The following SH3RF1 variants were observed in gnomAD, a reference collection of about 807,000 sequenced individuals.
The protein encoded by SH3RF1 is E3 ubiquitin-protein ligase SH3RF1.
Under a neutral mutation model 74.0 loss-of-function variants are expected in SH3RF1, and 32 were observed. That is an observed-to-expected ratio of 0.43 (90% CI 0.33 to 0.58). The LOEUF (loss-of-function observed/expected upper bound fraction) is 0.58. SH3RF1 is among the 20% of genes least tolerant of loss of function. The pLI is 0.05. For synonymous variants in SH3RF1, 396 were observed against 439.6 expected, an observed-to-expected ratio of 0.90 and a Z score of 1.24; for missense variants, 954 against 1,130.9, an observed-to-expected ratio of 0.84 and a Z score of 2.24.
intron 2 of SH3RF1, among the ~76,000 whole-genome samples, chr4:169,158,828 A>G (rs1734103243): frequency 6.6e-6 from 1 of 152,210 alleles, no homozygotes; most frequent in African/African-American, 2.4e-5. Flanking sequence ...TTTGGTTTCT[A>G]CTTAGAGACT....
chr4:169,236,607 T>C (rs1730827400), intron 2 of SH3RF1, among the ~76,000 whole-genome samples: 1 of 152,218 alleles, frequency 6.6e-6, no homozygotes, highest in African/African-American at 2.4e-5. Context: ...CTTCGTAGTG[T>C]TGCTATGAGA....
chr4:169,115,115 T>C (rs1733309510), intron 10 of SH3RF1, among the ~76,000 whole-genome samples: 1 of 152,198 alleles, frequency 6.6e-6, no homozygotes, highest in African/African-American at 2.4e-5. Context: ...CCAATATAAC[T>C]TTCCATTTAT....
At chr4:169,207,791 T>C (rs1177183361) in intron 2 of SH3RF1, among the ~76,000 whole-genome samples, 1 of 152,234 alleles carries the variant, frequency 6.6e-6, no homozygotes, top group Non-Finnish European at 1.5e-5. Flanking sequence ...TTGTCTACTA[T>C]GTCAAAAGCC....
intron 4 of SH3RF1, among the ~76,000 whole-genome samples, chr4:169,145,866 T>C (rs1733871837): frequency 8.8e-6 from 1 of 113,988 alleles, no homozygotes; most frequent in Admixed American, 8.9e-5. Flanking sequence ...ATATAAAATA[T>C]GTATTCTATA....
chr4:169,114,120 G>A (rs1290822591), intron 10 of SH3RF1, among the ~76,000 whole-genome samples: 1 of 152,144 alleles, frequency 6.6e-6, no homozygotes, highest in Non-Finnish European at 1.5e-5. Context: ...ACCTGTACTA[G>A]ATGGTGCCGT....
chr4:169,171,152 T>C (rs1441599341), intron 2 of SH3RF1, among the ~76,000 whole-genome samples: 1 of 152,218 alleles, frequency 6.6e-6, no homozygotes, highest in Non-Finnish European at 1.5e-5. Flanking sequence ...GGCAGCCAAT[T>C]GTTCAAACTG....
intron 2 of SH3RF1, among the ~76,000 whole-genome samples, chr4:169,191,724 C>T (rs533172385): frequency 6.6e-6 from 1 of 151,964 alleles, no homozygotes; most frequent in South Asian, 2.1e-4. Flanking sequence ...AATAGAGAAC[C>T]CAGAAATAAA....
intron 2 of SH3RF1, among the ~76,000 whole-genome samples, chr4:169,227,813 C>G (rs1730675425): frequency 1.3e-5 from 2 of 152,182 alleles, no homozygotes; most frequent in Admixed American, 1.3e-4. Context: ...ACGGGATAGA[C>G]AGTGGAATTT....
Position 169,122,041 on chromosome 4 carries a change from G to A in SH3RF1, c.1346+59C>T, listed in dbSNP as rs1257234461. On this transcript the variant is annotated intron_variant, in intron 7 of 11. Transcript: ENST00000284637. Reference sequence around the variant, plus strand: ...GTCAGAAAGGTGTTTCTTGACCTCTGAGGTTTGGACTTCGTTTAAATGAAC... The same window carrying A: ...GTCAGAAAGGTGTTTCTTGACCTCTAAGGTTTGGACTTCGTTTAAATGAAC... 3.4e-5 allele frequency: 54 copies of A among 1,591,372 alleles called. No individual in the cohort carries two copies. In the Admixed American group the frequency reaches 8.6e-4, roughly 25 times the overall value.
intron 2 of SH3RF1, among the ~76,000 whole-genome samples, chr4:169,167,816 C>A (rs555734307): frequency 6.6e-6 from 1 of 152,036 alleles, no homozygotes; most frequent in East Asian, 1.9e-4. Flanking sequence ...GTATCAAAAC[C>A]TACTAGATCG....
At chr4:169,200,051 A>G (rs934612899) in intron 2 of SH3RF1, among the ~76,000 whole-genome samples, 1 of 152,152 alleles carries the variant, frequency 6.6e-6, no homozygotes, top group Non-Finnish European at 1.5e-5. Flanking sequence ...AATGGACTCC[A>G]TCCAAAAAAA....
intron 4 of SH3RF1, among the ~76,000 whole-genome samples, chr4:169,154,983 G>A (rs1734028469): frequency 6.6e-6 from 1 of 152,186 alleles, no homozygotes; most frequent in African/African-American, 2.4e-5. Context: ...AAGGGAAAGG[G>A]GGCTAAGTAG....
chr4:169,148,251 G>C (rs1038019193), intron 4 of SH3RF1, among the ~76,000 whole-genome samples: 1 of 152,212 alleles, frequency 6.6e-6, no homozygotes, highest in Non-Finnish European at 1.5e-5. Context: ...CTAGGGAAGC[G>C]ATGAACTGCA....
rs1017511951 is a variant in SH3RF1 at position 169,096,013 on chromosome 4, C to A, written c.*506G>T. On this transcript the variant is annotated 3_prime_UTR_variant, in exon 12 of 12. Coordinates refer to ENST00000284637, the MANE Select transcript of SH3RF1 (RefSeq NM_020870.4). The stretch of plus-strand genomic sequence containing the variant: ...TCTATCTTAAAGAAGCAAAACATAA[C>A]CCCAAAATATAATGGTAGCAGGGAG... 3 of 152,282 alleles carry A rather than the reference C, an allele frequency of 2.0e-5. No individual in the cohort carries two copies. The highest frequency in any genetic ancestry group is 7.2e-5 in the African/African-American group (3 of 41,414). 9.4% of individuals were successfully genotyped at this position (152,282 alleles called of 1,614,324 possible). A position where few individuals can be genotyped will look rare whatever the true frequency, so the allele number is the denominator to read the frequency against.
intron 2 of SH3RF1, among the ~76,000 whole-genome samples, chr4:169,228,745 A>T (rs376570020): frequency 1.3e-5 from 2 of 152,194 alleles, no homozygotes; most frequent in East Asian, 3.8e-4. Flanking sequence ...TGCAGCATGG[A>T]ATCATCCATC....
rs115432766 is a variant in SH3RF1 at position 169,157,087 on chromosome 4, T to C, written c.394-408A>G. On this transcript the variant is annotated intron_variant, in intron 2 of 11. Transcript: ENST00000284637. ...AATGATAAACACTGAGGAGAAATGA[T>C]AGATACTGAGGGGAAAAATTTAAAC... is the stretch of plus-strand genomic sequence containing the variant. Among the ~76,000 whole-genome samples, 652 of 152,322 alleles carry C rather than the reference T, an allele frequency of 4.3e-3. 4 individuals carry two copies. The highest frequency in any genetic ancestry group is 0.014 in the African/African-American group (601 of 41,560).
At chr4:169,180,931 G>A (rs1177137557) in intron 2 of SH3RF1, among the ~76,000 whole-genome samples, 2 of 152,126 alleles carry the variant, frequency 1.3e-5, no homozygotes, top group Non-Finnish European at 1.5e-5. Context: ...CTAGCCGGAC[G>A]AAGGGTTTGA....
At chr4:169,151,432 T>A (rs7670734) in intron 4 of SH3RF1, among the ~76,000 whole-genome samples, 48,701 of 152,114 alleles carry the variant, frequency 0.32, 8,117 homozygotes, top group African/African-American at 0.4. Context: ...GCCAGGCCCA[T>A]AGTCACTTAG....
chr4:169,181,060 C>A (rs1297560084), intron 2 of SH3RF1, among the ~76,000 whole-genome samples: 1 of 152,020 alleles, frequency 6.6e-6, no homozygotes, highest in African/African-American at 2.4e-5. Flanking sequence ...GTAGCCTAAC[C>A]CAGACACAGA....
Sources: allele counts gnomAD v4.1 joint callset (sites outside exome capture counted in the v4.1 genomes callset), GRCh38; gene constraint gnomAD v4.1.1; transcripts MANE v1.5; gene names NCBI Gene and HGNC (gene_info 2026-07-23, HGNC 2026-07-21).